Variants in CLSTN2 observed in about 807,000 individuals in gnomAD.
The protein encoded by CLSTN2 is calsyntenin-2.
CLSTN2 carries 48 observed loss-of-function variants against 101.2 expected under a neutral mutation model. The ratio of observed to expected loss-of-function variants is 0.47; its 90% CI spans 0.38 to 0.60. CLSTN2 has a LOEUF of 0.60. CLSTN2 is among the 20% of genes least tolerant of loss of function. CLSTN2 has a pLI of 0.00. For missense variants in CLSTN2, 1,160 were observed against 1,238.2 expected (o/e 0.94, Z 0.95); for synonymous variants, 481 against 463.6 (o/e 1.04, Z -0.48).
chr3:140,348,217 G>C (rs1021625387), intron 2 of CLSTN2, among the ~76,000 whole-genome samples: 1 of 152,136 alleles, frequency 6.6e-6, no homozygotes, highest in Non-Finnish European at 1.5e-5. Context: ...CAGTTTCTCA[G>C]AAAGAAACCA....
chr3:140,545,875 T>C (rs1219329143), intron 9 of CLSTN2, among the ~76,000 whole-genome samples: 4 of 152,146 alleles, frequency 2.6e-5, no homozygotes, highest in African/African-American at 7.2e-5. Flanking sequence ...AGTCCTTTTA[T>C]GTAAAAGGCC....
chr3:140,013,240 C>T (rs192876051), intron 1 of CLSTN2, among the ~76,000 whole-genome samples: 26 of 152,318 alleles, frequency 1.7e-4, no homozygotes, highest in Non-Finnish European at 1.5e-5. Flanking sequence ...TGCCAGAGAG[C>T]CTTGTTGGGA....
intron 1 of CLSTN2, among the ~76,000 whole-genome samples, chr3:140,055,079 T>C (rs1359181824): frequency 6.6e-6 from 1 of 152,226 alleles, no homozygotes; most frequent in Non-Finnish European, 1.5e-5. Context: ...ATGTTGGATT[T>C]TCCTTCTAGA....
chr3:140,263,983 A>G (rs900377140), intron 2 of CLSTN2, among the ~76,000 whole-genome samples: 2 of 152,228 alleles, frequency 1.3e-5, no homozygotes, highest in African/African-American at 4.8e-5. Flanking sequence ...CTTACTATAA[A>G]TTATCTGTAC....
intron 1 of CLSTN2, among the ~76,000 whole-genome samples, chr3:140,162,922 T>C (rs1489076417): frequency 6.6e-6 from 1 of 152,242 alleles, no homozygotes; most frequent in African/African-American, 2.4e-5. Flanking sequence ...GTTGGTAGCA[T>C]AAGCCACAAG....
chr3:140,185,562 G>C (rs1307237016), intron 2 of CLSTN2, among the ~76,000 whole-genome samples: 1 of 152,100 alleles, frequency 6.6e-6, no homozygotes, highest in East Asian at 1.9e-4. Context: ...ACTGTGATTG[G>C]GCCAGGGGTG....
At chr3:140,208,128 T>A (rs191606404) in intron 2 of CLSTN2, among the ~76,000 whole-genome samples, 124 of 152,296 alleles carry the variant, frequency 8.1e-4, no homozygotes, top group Admixed American at 2.2e-3. Flanking sequence ...CCATTCATGT[T>A]TTATCATTTT....
chr3:140,341,152 A>G (rs2087487928), intron 2 of CLSTN2, among the ~76,000 whole-genome samples: 1 of 152,208 alleles, frequency 6.6e-6, no homozygotes, highest in African/African-American at 2.4e-5. Context: ...ATATTATCTA[A>G]GGTCCCTTTT....
chr3:140,176,352 G>A (rs988988649), intron 2 of CLSTN2, among the ~76,000 whole-genome samples: 3 of 152,202 alleles, frequency 2.0e-5, no homozygotes, highest in Non-Finnish European at 4.4e-5. Context: ...GGCCTGTGGA[G>A]TTGGAGAAGT....
intron 12 of CLSTN2, among the ~76,000 whole-genome samples, chr3:140,560,472 C>T (rs1317769012): frequency 6.6e-6 from 1 of 152,234 alleles, no homozygotes; most frequent in Non-Finnish European, 1.5e-5. Context: ...CAGCACCTCC[C>T]CAAGAAGGCT....
chr3:140,488,178 C>A (rs1476286324), intron 8 of CLSTN2, among the ~76,000 whole-genome samples: 1 of 152,024 alleles, frequency 6.6e-6, no homozygotes, highest in Admixed American at 6.5e-5. Context: ...CTACACTGTG[C>A]CCCATGAAGT....
chr3:140,044,709 T>C (rs1335619708), intron 1 of CLSTN2, among the ~76,000 whole-genome samples: 1 of 152,256 alleles, frequency 6.6e-6, no homozygotes, highest in Non-Finnish European at 1.5e-5. Flanking sequence ...ATCCCATCAA[T>C]ACCTAACTTA....
intron 9 of CLSTN2, among the ~76,000 whole-genome samples, chr3:140,543,166 G>C (rs1935518612): frequency 6.6e-6 from 1 of 152,288 alleles, no homozygotes; most frequent in South Asian, 2.1e-4. Context: ...TGGATTTGCT[G>C]CTCCACGGAG....
At chr3:140,476,198 A>G (rs1933979507) in intron 8 of CLSTN2, among the ~76,000 whole-genome samples, 1 of 152,178 alleles carries the variant, frequency 6.6e-6, no homozygotes, top group African/African-American at 2.4e-5. Flanking sequence ...GGTAAAATTG[A>G]ATCCTAATAT....
At chr3:140,160,473 A>G (rs1328208696) in intron 1 of CLSTN2, among the ~76,000 whole-genome samples, 2 of 152,150 alleles carry the variant, frequency 1.3e-5, no homozygotes, top group Non-Finnish European at 2.9e-5. Context: ...TCATGTAAAT[A>G]TGATTTTATG....
intron 1 of CLSTN2, among the ~76,000 whole-genome samples, chr3:140,154,980 C>T (rs2009931763): frequency 6.6e-6 from 1 of 152,022 alleles, no homozygotes; most frequent in African/African-American, 2.4e-5. Flanking sequence ...GGAAACTCCC[C>T]CATGATCCAG....
At chr3:139,951,460 C>T (rs761196852) in intron 1 of CLSTN2, among the ~76,000 whole-genome samples, 1 of 152,108 alleles carries the variant, frequency 6.6e-6, no homozygotes, top group Non-Finnish European at 1.5e-5. Flanking sequence ...AGATCATGTG[C>T]GAGAACATCA....
chr3:140,010,764 C>T (rs1235103251), intron 1 of CLSTN2, among the ~76,000 whole-genome samples: 3 of 152,234 alleles, frequency 2.0e-5, no homozygotes, highest in Non-Finnish European at 4.4e-5. Flanking sequence ...TGGAGCTTTG[C>T]TTTGTTGTTG....
At chr3:140,046,503 G>A (rs1178179657) in intron 1 of CLSTN2, among the ~76,000 whole-genome samples, 4 of 152,088 alleles carry the variant, frequency 2.6e-5, no homozygotes, top group African/African-American at 9.7e-5. Context: ...GGAGCATTTA[G>A]CCCATTTACA....
Sources: gnomAD v4.1 joint callset for allele counts (sites outside exome capture counted in the v4.1 genomes callset) on GRCh38, gnomAD v4.1.1 for gene constraint, MANE v1.5 for transcripts, NCBI Gene and HGNC (gene_info 2026-07-23, HGNC 2026-07-21) for gene names.